CCDC191: variants seen among roughly 807,000 people sequenced by gnomAD.
CCDC191 encodes the protein coiled-coil domain containing 191.
Under a neutral mutation model 114.0 loss-of-function variants are expected in CCDC191, and 99 were observed. The observed-to-expected ratio is 0.87, with a 90% CI of 0.74 to 1.03. The LOEUF (loss-of-function observed/expected upper bound fraction) is 1.03. Ranked by LOEUF, CCDC191 falls within the 50% of genes least tolerant of loss-of-function variation. The pLI is 0.00. For synonymous variants in CCDC191, 351 were observed against 376.0 expected (o/e 0.93, Z 0.77); for missense variants, 973 against 1,087.0 (o/e 0.90, Z 1.47).
intron 8 of CCDC191, 43 bp downstream of exon 8, chr3:114,018,635 C>T: frequency 6.7e-7 from 1 of 1,482,898 alleles, no homozygotes; most frequent in South Asian, 1.3e-5. Context: ...AGGGAAATAT[C>T]CTAGATAAAC....
At chr3:114,043,690 A>G (rs1348498678) in intron 3 of CCDC191, among the ~76,000 whole-genome samples, 1 of 152,220 alleles carries the variant, frequency 6.6e-6, no homozygotes, top group African/African-American at 2.4e-5. Flanking sequence ...CACTTTGACC[A>G]TTAAGTTAAA....
In CCDC191 at chr3:113,965,218, G is replaced by A; in HGVS notation, c.2748C>T (p.Tyr916=). Residue 916 remains tyrosine, a synonymous_variant, in exon 17 of 17, where the codon TAC becomes TAT. Transcript: ENST00000295878. ...TATCTGATTGCTGATATAGCTCGTGGTACCTTCCAGGTACCTGGAAGTCTG... is the reference window on the plus strand; with the variant it reads ...TATCTGATTGCTGATATAGCTCGTGATACCTTCCAGGTACCTGGAAGTCTG... ...ILPDFQVPGR[Y]HELYQQSDTW... is the part of the protein sequence containing the mutation. 9 of 1,611,516 alleles carry A rather than the reference G, an allele frequency of 5.6e-6. No homozygotes were observed. The highest frequency in any genetic ancestry group is 7.6e-6 in the Non-Finnish European group (9 of 1,178,904).
At position 114,046,677 on chromosome 3, in the gene CCDC191, G is replaced by GAATTTCTAGTA; in HGVS notation, c.174_184dup (p.Ser62LeufsTer18). Reference sequence around the variant, plus strand: ...GCCCCAGGGACTTCTAGGTAAATCTGAATTTCTAGTAAAAAATGCATTTGA... The same window carrying GAATTTCTAGTA: ...GCCCCAGGGACTTCTAGGTAAATCTGAATTTCTAGTAAATTTCTAGTAAAAAATGCATTTGA... On this transcript the variant is annotated frameshift_variant, in exon 3 of 17. Transcript: ENST00000295878. LOFTEE classifies it high-confidence loss of function. 1 of 1,612,258 alleles carries GAATTTCTAGTA rather than the reference G, an allele frequency of 6.2e-7. No homozygotes were observed. Among genetic ancestry groups the GAATTTCTAGTA allele is most frequent in the African/African-American group, 1.3e-5 (1 of 74,952 alleles).
chr3:113,979,137 A>T, intron 14 of CCDC191, 127 bp from the exon 15 acceptor site: 1 of 829,726 alleles, frequency 1.2e-6, no homozygotes, highest in Non-Finnish European at 1.9e-6. Context: ...CTGAAGGTAC[A>T]TGCAGCCTGT....
intron 16 of CCDC191, among the ~76,000 whole-genome samples, chr3:113,976,077 T>TA (rs1392496132): frequency 6.0e-5 from 9 of 149,172 alleles, no homozygotes; most frequent in Admixed American, 1.4e-4. Context: ...GGCAGCATGG[T>TA]AAAAAACGCT....
chr3:114,004,567 TCCC>T, intron 11 of CCDC191, 67 bp downstream of exon 11: 1 of 1,557,108 alleles, frequency 6.4e-7, no homozygotes, highest in Non-Finnish European at 8.7e-7. Context: ...CAGAATTCAG[TCCC>T]AGTGTACACA....
chr3:114,027,336 C>T (rs1383308840), intron 7 of CCDC191, among the ~76,000 whole-genome samples: 2 of 152,108 alleles, frequency 1.3e-5, no homozygotes, highest in African/African-American at 4.8e-5. Context: ...CAGAATTAGG[C>T]CGGGCGTGGT....
chr3:113,975,617 G>A (rs1237088220), intron 16 of CCDC191, among the ~76,000 whole-genome samples: 1 of 152,192 alleles, frequency 6.6e-6, no homozygotes, highest in Non-Finnish European at 1.5e-5. Context: ...TATACTTTCA[G>A]AGAGTCTTAA....
intron 7 of CCDC191, among the ~76,000 whole-genome samples, chr3:114,025,975 A>G (rs931284787): frequency 6.6e-6 from 1 of 152,210 alleles, no homozygotes; most frequent in African/African-American, 2.4e-5. Context: ...AGATCCTTAT[A>G]ATATTCATCT....
intron 4 of CCDC191, among the ~76,000 whole-genome samples, chr3:114,038,617 A>G (rs946933930): frequency 6.6e-6 from 1 of 152,168 alleles, no homozygotes; most frequent in Non-Finnish European, 1.5e-5. Context: ...AATGATTTCT[A>G]TTCCTTTGGG....
At chr3:114,053,542 C>T (rs942701267) in intron 2 of CCDC191, 55 bp downstream of exon 2, 2 of 1,040,232 alleles carry the variant, frequency 1.9e-6, no homozygotes, top group Non-Finnish European at 2.9e-6. Context: ...TCTTTTCCAT[C>T]TGATTATGCT....
At chr3:113,998,914 A>G (rs537549968) in intron 13 of CCDC191, among the ~76,000 whole-genome samples, 2 of 152,316 alleles carry the variant, frequency 1.3e-5, no homozygotes, top group African/African-American at 4.8e-5. Flanking sequence ...AAAGAAGTAT[A>G]GCAATGGGCC....
chr3:113,973,534 A>T (rs1941028442), intron 16 of CCDC191, among the ~76,000 whole-genome samples: 1 of 150,606 alleles, frequency 6.6e-6, no homozygotes, highest in South Asian at 2.1e-4. Context: ...TCTGAGAAAA[A>T]CTTTCTCTAT....
intron 7 of CCDC191, among the ~76,000 whole-genome samples, chr3:114,022,682 G>A (rs2107707251): frequency 6.6e-6 from 1 of 152,218 alleles, no homozygotes; most frequent in South Asian, 2.1e-4. Flanking sequence ...CTACAAAAGG[G>A]AGCAATCCTC....
intron 13 of CCDC191, among the ~76,000 whole-genome samples, chr3:113,995,090 T>C (rs1335796990): frequency 6.6e-6 from 1 of 152,104 alleles, no homozygotes; most frequent in Non-Finnish European, 1.5e-5. Context: ...TTTTACTAAG[T>C]GAAAAAAGTA....
At chr3:113,982,048 CAG>C (rs2075171277) in intron 13 of CCDC191, among the ~76,000 whole-genome samples, 1 of 152,174 alleles carries the variant, frequency 6.6e-6, no homozygotes, top group African/African-American at 2.4e-5. Context: ...CTGCATCTTG[CAG>C]AGAGACATCT....
rs775362694 is a variant in CCDC191, at chr3:114,005,647, T to C, written c.1729A>G (p.Ile577Val). The change falls in exon 10 of 17, where the codon ATT becomes GTT. Residue 577 changes from isoleucine to valine, a missense_variant. By Grantham distance (29) the Ile-to-Val change is conservative. Transcript: ENST00000295878. ...KKKLQEQQKT[I>V]LELKKNLQLA... is the part of the protein sequence containing the mutation. ...TGCAGGTTTTTCTTCAGCTCGAGAA[T>C]TGTTTTCTGCTGTTCCTGAAGTTTC... 13 of 1,614,030 alleles carry C rather than the reference T, an allele frequency of 8.1e-6. No homozygotes were observed. In the African/African-American group the frequency reaches 1.2e-4, roughly 15 times the overall value.
rs116481079 is a variant in CCDC191, at chr3:114,029,356, T to A, written c.972+2270A>T. ...TAAATATCAATGAGCTCATACTGAA[T>A]AAAATAAACAATTGCATAAATGAAT... is the stretch of plus-strand genomic sequence containing the variant. On this transcript the variant is annotated intron_variant, in intron 7 of 16. Coordinates refer to ENST00000295878, the MANE Select transcript of CCDC191 (RefSeq NM_020817.2). 3.6e-3 allele frequency among the ~76,000 whole-genome samples: 550 copies of A among 152,136 alleles called. 4 individuals carry two copies. The highest frequency in any genetic ancestry group is 0.012 in the African/African-American group (513 of 41,498).
At chr3:113,987,775 G>A (rs1379413617) in intron 13 of CCDC191, among the ~76,000 whole-genome samples, 1 of 152,212 alleles carries the variant, frequency 6.6e-6, no homozygotes, top group Non-Finnish European at 1.5e-5. Flanking sequence ...CAGGTGCAGT[G>A]GCTCACGCCT....
Sources: gnomAD v4.1 joint callset for allele counts (sites outside exome capture counted in the v4.1 genomes callset) on GRCh38, gnomAD v4.1.1 for gene constraint, MANE v1.5 for transcripts, NCBI Gene and HGNC (gene_info 2026-07-23, HGNC 2026-07-21) for gene names.